Variants in CPNE8 observed in about 807,000 individuals in gnomAD.
CPNE8 encodes copine 8, also known as copine-8.
A neutral mutation model predicts 81.5 loss-of-function variants in CPNE8; 45 were observed. That is an observed-to-expected ratio of 0.55 (90% CI 0.44 to 0.71). The LOEUF (loss-of-function observed/expected upper bound fraction) is 0.71, where lower values mean the gene tolerates loss of function less well. Among genes scored for constraint, CPNE8 ranks in the 30% least tolerant of loss-of-function variants. The pLI, the probability that CPNE8 is intolerant of heterozygous loss-of-function variation, is 0.00. For missense variants in CPNE8, 594 were observed against 672.1 expected, an observed-to-expected ratio of 0.88 and a Z score of 1.28; for synonymous variants, 252 against 226.3, an observed-to-expected ratio of 1.11 and a Z score of -1.02.
intron 13 of CPNE8, among the ~76,000 whole-genome samples, chr12:38,714,956 A>C (rs2136719160): frequency 6.6e-6 from 1 of 152,260 alleles, no homozygotes; most frequent in African/African-American, 2.4e-5. Context: ...AAAAGATATT[A>C]AAAGGCTATG....
intron 19 of CPNE8, among the ~76,000 whole-genome samples, chr12:38,658,474 C>A (rs1178949493): frequency 6.6e-6 from 1 of 152,190 alleles, no homozygotes; most frequent in Non-Finnish European, 1.5e-5. Context: ...GGAAAACACT[C>A]TGCAGGATAT....
At chr12:38,723,110 T>C (rs1290592890) in intron 13 of CPNE8, among the ~76,000 whole-genome samples, 2 of 152,198 alleles carry the variant, frequency 1.3e-5, no homozygotes, top group South Asian at 2.1e-4. Context: ...AGTTTCTTTA[T>C]AGCAGTGTGA....
At chr12:38,694,626 G>GA (rs1434739580) in intron 14 of CPNE8, among the ~76,000 whole-genome samples, 1 of 152,206 alleles carries the variant, frequency 6.6e-6, no homozygotes, top group African/African-American at 2.4e-5. Flanking sequence ...TGTTGCACTT[G>GA]AATAGTGATG....
intron 6 of CPNE8, among the ~76,000 whole-genome samples, chr12:38,825,091 A>G (rs115999513): frequency 0.022 from 3,396 of 152,234 alleles, 126 homozygotes; most frequent in African/African-American, 0.077. Context: ...ATAAATACCT[A>G]TTATTTCCCC....
intron 10 of CPNE8, among the ~76,000 whole-genome samples, chr12:38,738,316 A>G (rs1157176765): frequency 6.6e-6 from 1 of 152,186 alleles, no homozygotes; most frequent in Non-Finnish European, 1.5e-5. Context: ...ACAAACCCCA[A>G]AAATATATGT....
chr12:38,694,564 G>A (rs1341739547), intron 14 of CPNE8, among the ~76,000 whole-genome samples: 1 of 152,174 alleles, frequency 6.6e-6, no homozygotes, highest in Non-Finnish European at 1.5e-5. Context: ...AGTTATTATA[G>A]TCTGGGTCAT....
intron 3 of CPNE8, among the ~76,000 whole-genome samples, chr12:38,870,714 C>A (rs1400659340): frequency 2.0e-5 from 3 of 151,944 alleles, no homozygotes; most frequent in Non-Finnish European, 2.9e-5. Flanking sequence ...ACAGGTGCAG[C>A]AAACCACTAT....
At chr12:38,815,130 A>G (rs1943003793) in intron 6 of CPNE8, among the ~76,000 whole-genome samples, 1 of 152,156 alleles carries the variant, frequency 6.6e-6, no homozygotes, top group Non-Finnish European at 1.5e-5. Context: ...TGAGCACTGC[A>G]GGATCCTACT....
At chr12:38,794,326 A>T (rs1462315986) in intron 6 of CPNE8, among the ~76,000 whole-genome samples, 1 of 152,188 alleles carries the variant, frequency 6.6e-6, no homozygotes, top group East Asian at 1.9e-4. Flanking sequence ...CAAAATATAT[A>T]AAGAACTGCT....
intron 6 of CPNE8, among the ~76,000 whole-genome samples, chr12:38,787,429 A>G (rs953180192): frequency 6.6e-6 from 1 of 151,572 alleles, no homozygotes; most frequent in African/African-American, 2.4e-5. Flanking sequence ...AACATATCAA[A>G]CCTATGGGAT....
At chr12:38,881,798 A>C (rs1944162727) in intron 1 of CPNE8, among the ~76,000 whole-genome samples, 1 of 152,200 alleles carries the variant, frequency 6.6e-6, no homozygotes, top group Non-Finnish European at 1.5e-5. Flanking sequence ...ACGGGTTTGA[A>C]GTAATGGAGG....
chr12:38,664,757 G>C (rs542665681), intron 19 of CPNE8, among the ~76,000 whole-genome samples: 25 of 151,996 alleles, frequency 1.6e-4, no homozygotes, highest in Non-Finnish European at 3.4e-4. Flanking sequence ...ATAAATAATA[G>C]GTAAAAAAGA....
At chr12:38,766,229 A>C (rs148700203) in intron 8 of CPNE8, among the ~76,000 whole-genome samples, 96 of 152,308 alleles carry the variant, frequency 6.3e-4, no homozygotes, top group African/African-American at 2.1e-3. Context: ...ATGTGTGATA[A>C]AGTGAAATTT....
intron 17 of CPNE8, among the ~76,000 whole-genome samples, chr12:38,676,642 TCATGTTATAA>T (rs1163951173): frequency 6.6e-6 from 1 of 152,200 alleles, no homozygotes; most frequent in Admixed American, 6.6e-5. Flanking sequence ...ACTAAATATT[TCATGTTATAA>T]CATGTTTTTT....
At chr12:38,792,745 C>T (rs1385947897) in intron 6 of CPNE8, among the ~76,000 whole-genome samples, 2 of 151,830 alleles carry the variant, frequency 1.3e-5, no homozygotes, top group Non-Finnish European at 3.0e-5. Context: ...ATCAGAATTA[C>T]CCCAACACCA....
At chr12:38,718,906 T>C (rs1332469191) in intron 13 of CPNE8, among the ~76,000 whole-genome samples, 1 of 152,136 alleles carries the variant, frequency 6.6e-6, no homozygotes, top group Non-Finnish European at 1.5e-5. Flanking sequence ...TACTAGCATA[T>C]ACACACAATA....
chr12:38,785,435 C>T (rs527296041), intron 6 of CPNE8, among the ~76,000 whole-genome samples: 23 of 152,024 alleles, frequency 1.5e-4, no homozygotes, highest in African/African-American at 5.3e-4. Context: ...ATAATTCCCA[C>T]ATGTTGTGGA....
At chr12:38,857,984 G>A (rs1480302849) in intron 3 of CPNE8, among the ~76,000 whole-genome samples, 1 of 152,164 alleles carries the variant, frequency 6.6e-6, no homozygotes, top group Non-Finnish European at 1.5e-5. Context: ...CATTTACTTT[G>A]GAAAACATGT....
At chr12:38,700,000 G>A (rs1939898931) in intron 14 of CPNE8, among the ~76,000 whole-genome samples, 1 of 152,076 alleles carries the variant, frequency 6.6e-6, no homozygotes, top group African/African-American at 2.4e-5. Context: ...ACAAGATCAT[G>A]CCATCTGCAA....
Sources: allele counts gnomAD v4.1 joint callset (sites outside exome capture counted in the v4.1 genomes callset), GRCh38; gene constraint gnomAD v4.1.1; transcripts MANE v1.5; gene names NCBI Gene and HGNC (gene_info 2026-07-23, HGNC 2026-07-21).